PBX2: variants seen among roughly 807,000 people sequenced by gnomAD.
PBX2 encodes pre-B-cell leukemia transcription factor 2.
PBX2 carries 10 observed loss-of-function variants against 46.5 expected under a neutral mutation model. The observed-to-expected ratio is 0.21, with a 90% CI of 0.13 to 0.36. The LOEUF (loss-of-function observed/expected upper bound fraction) is 0.36. PBX2 is among the 10% of genes least tolerant of loss of function. PBX2 has a pLI of 1.00. For synonymous variants in PBX2, 160 were observed against 222.5 expected, an observed-to-expected ratio of 0.72 and a Z score of 2.50; for missense variants, 392 against 580.5, an observed-to-expected ratio of 0.68 and a Z score of 3.34.
Position 32,186,481 on chromosome 6 carries a change from G to C in PBX2, c.1201-7C>G. 1 of 1,613,068 alleles carries C rather than the reference G, an allele frequency of 6.2e-7. No homozygotes were observed. The highest frequency in any genetic ancestry group is 8.5e-7 in the Non-Finnish European group (1 of 1,179,320). Reference sequence around the variant, plus strand: ...CTTGCCAGCTGCCATTTGCCTGAAAGGAGAGACAGAGTACAGAAAACAGAG... The same window carrying C: ...CTTGCCAGCTGCCATTTGCCTGAAACGAGAGACAGAGTACAGAAAACAGAG... On this transcript the variant is annotated splice_polypyrimidine_tract_variant and splice_region_variant and intron_variant, in intron 8 of 8. Coordinates refer to ENST00000375050, the MANE Select transcript of PBX2 (RefSeq NM_002586.5). This position sits in a 1 kb window ranked among gnomAD's most constrained non-coding sequence, Gnocchi z 4.2.
In PBX2 at chr6:32,185,820, A is replaced by C. The variant is rs2127445990; in HGVS notation, c.*562T>G. Reference sequence around the variant, plus strand: ...CACCGAGCGATTCTATTGGTTTAAGATGAGCTGCGTATGAGGTAAGTAAGC... The same window carrying C: ...CACCGAGCGATTCTATTGGTTTAAGCTGAGCTGCGTATGAGGTAAGTAAGC... On this transcript the variant is annotated 3_prime_UTR_variant, in exon 9 of 9. Coordinates refer to ENST00000375050, the MANE Select transcript of PBX2 (RefSeq NM_002586.5). The C allele has an allele frequency of 6.6e-6, 1 of 152,460 alleles. No homozygotes were observed. The highest frequency in any genetic ancestry group is 1.5e-5 in the Non-Finnish European group (1 of 68,288). 9.4% of individuals were successfully genotyped at this position (152,460 alleles called of 1,614,324 possible).
At position 32,187,837 on chromosome 6, in the gene PBX2, TCA is replaced by T; in HGVS notation, c.735-57_735-56del. On this transcript the variant is annotated intron_variant, in intron 4 of 8. Coordinates refer to ENST00000375050, the MANE Select transcript of PBX2 (RefSeq NM_002586.5). The surrounding 1 kb of genome is among the most constrained non-coding windows in gnomAD (Gnocchi z 7.7). ...GGATGTTGATGTCCTGGCAGGGCTG[TCA>T]CATGGCATGACCCCAGAGTCACCAT... 6 of 1,597,826 alleles carry T rather than the reference TCA, an allele frequency of 3.8e-6. No homozygotes were observed. In the South Asian group the frequency reaches 6.8e-5, roughly 18 times the overall value.
In PBX2 at chr6:32,188,602, G is replaced by A; in HGVS notation, c.296-98C>T. ...TGGAGAGCCAAGTTCCCAGGCTTTG[G>A]TTCCTTCCCCAGTCCCCCTGACTCC... On this transcript the variant is annotated intron_variant, in intron 2 of 8. Coordinates refer to ENST00000375050, the MANE Select transcript of PBX2 (RefSeq NM_002586.5). The surrounding 1 kb of genome is among the most constrained non-coding windows in gnomAD (Gnocchi z 6.5). The A allele has an allele frequency of 6.3e-7, 1 of 1,577,150 alleles. No homozygotes were observed. Among genetic ancestry groups the A allele is most frequent in the Non-Finnish European group, 8.6e-7 (1 of 1,156,558 alleles).
chr6:32,186,581 G>A lies in PBX2; in HGVS notation c.1200+23C>T. 6.3e-7 allele frequency: 1 copy of A among 1,593,774 alleles called. No individual in the cohort carries two copies. ...CTCTGTCCTGTGAGAACTGGACAGA[G>A]AGGAGCTTCAGGATCCACTCACCCT... On this transcript the variant is annotated intron_variant, in intron 8 of 8. Transcript: ENST00000375050. The surrounding 1 kb of genome is among the most constrained non-coding windows in gnomAD (Gnocchi z 4.2).
Position 32,186,036 on chromosome 6 carries a change from T to G in PBX2, c.*346A>C. On this transcript the variant is annotated 3_prime_UTR_variant, in exon 9 of 9. Transcript: ENST00000375050. The surrounding 1 kb of genome is among the most constrained non-coding windows in gnomAD (Gnocchi z 4.2). ...GAAACAGAATAGTTGCAAGTGGGAG[T>G]ATGTGTGTGTGAGGTGTGGGAGAGG... The G allele has an allele frequency of 3.6e-6, 1 of 274,718 alleles. No homozygotes were observed. 17.0% of individuals were successfully genotyped at this position (274,718 alleles called of 1,614,324 possible). A position where few individuals can be genotyped will look rare whatever the true frequency, so the allele number is the denominator to read the frequency against.
chr6:32,187,987 C>T lies in PBX2; in HGVS notation c.713G>A (p.Arg238His). The T allele has an allele frequency of 2.6e-6, 4 of 1,565,996 alleles. No individual in the cohort carries two copies. Among genetic ancestry groups the T allele is most frequent in the Non-Finnish European group, 3.5e-6 (4 of 1,153,624 alleles). ...QSTCEAVMIL[R>H]SRFLDARRKR... ...CCACCTGGCATCCAGGAAACGGGAG[C>T]GCAGGATCATCACAGCCTCGCAGGT... The change falls in exon 4 of 9, where the codon CGC (arginine) becomes CAC (histidine). Residue 238 changes from arginine (R) to histidine (H), a missense_variant. By Grantham distance (29) the Arg-to-His change is conservative. Around this residue, in one of 3 missense-constraint regions of PBX2, gnomAD observed 80 missense variants for 175.7 expected, o/e 0.46. Transcript: ENST00000375050. This position sits in a 1 kb window ranked among gnomAD's most constrained non-coding sequence, Gnocchi z 7.7.
chr6:32,188,927 G>C lies in PBX2; in HGVS notation c.222-131C>G, dbSNP rs1787272745. ...AGCGGATTGGGGGTGGAATGAGTTG[G>C]GGGTGGAATGAGGAGTTCTTGGGAA... On this transcript the variant is annotated intron_variant, in intron 1 of 8. Transcript: ENST00000375050. The surrounding 1 kb of genome is among the most constrained non-coding windows in gnomAD (Gnocchi z 6.5). The C allele has an allele frequency of 1.3e-6, 1 of 744,890 alleles. No individual in the cohort carries two copies. Among genetic ancestry groups the C allele is most frequent in the African/African-American group, 1.7e-5 (1 of 57,886 alleles). 46.1% of individuals were successfully genotyped at this position (744,890 alleles called of 1,614,324 possible). A position where few individuals can be genotyped will look rare whatever the true frequency, so the allele number is the denominator to read the frequency against.
chr6:32,189,600 G>A lies in PBX2; in HGVS notation c.221+95C>T. The A allele has an allele frequency of 8.0e-6, 7 of 870,978 alleles. No homozygotes were observed. Among genetic ancestry groups the A allele is most frequent in the Middle Eastern group, 3.3e-4 (1 of 3,022 alleles). The allele number at this position is 870,978 out of a possible 1,614,324, so 54.0% of individuals were successfully genotyped here. A position where few individuals can be genotyped will look rare whatever the true frequency, so the allele number is the denominator to read the frequency against. ...GAGAAGAGAGCTGTTGGATCCTGGAGAGGGCCCTGGAGTTGGGGGGGGCTC... is the reference window on the plus strand; with the variant it reads ...GAGAAGAGAGCTGTTGGATCCTGGAAAGGGCCCTGGAGTTGGGGGGGGCTC... On this transcript the variant is annotated intron_variant, in intron 1 of 8. Coordinates refer to ENST00000375050, the MANE Select transcript of PBX2 (RefSeq NM_002586.5). The surrounding 1 kb of genome is among the most constrained non-coding windows in gnomAD (Gnocchi z 4.7).
Position 32,189,819 on chromosome 6 carries a change from C to G in PBX2, c.97G>C (p.Gly33Arg). The G allele has an allele frequency of 6.3e-7, 1 of 1,587,382 alleles. No homozygotes were observed. Among genetic ancestry groups the G allele is most frequent in the Non-Finnish European group, 8.6e-7 (1 of 1,166,464 alleles). ...CTACCCCCACCGGGGTCTCCGCCACCGGGAGGCTCGCCAGGGCCCCCAGGC... is the reference window on the plus strand; with the variant it reads ...CTACCCCCACCGGGGTCTCCGCCACGGGGAGGCTCGCCAGGGCCCCCAGGC... ...GEPGGPGEPP[G>R]GGDPGGGSGG... is the part of the protein sequence containing the mutation. The change falls in exon 1 of 9, where the codon GGT becomes CGT. Residue 33 changes from glycine (G) to arginine (R), a missense_variant. By Grantham distance (125) the Gly-to-Arg change is moderately radical (BLOSUM62 -2). Transcript: ENST00000375050. The surrounding 1 kb of genome is among the most constrained non-coding windows in gnomAD (Gnocchi z 4.7).
Position 32,186,670 on chromosome 6 carries a change from C to T in PBX2, c.1134G>A (p.Ser378=), listed in dbSNP as rs1382038187. The part of the protein sequence containing the change: ...SASQVESLRH[S]MGPGGYGDNL... ...TATCCCCATAGCCCCCTGGCCCCAT[C>T]GAGTGTCGGAGTGATTCCACCTGCA... is the stretch of plus-strand genomic sequence containing the variant. The change falls in exon 8 of 9, where the codon TCG becomes TCA. Residue 378 remains serine (S), a synonymous_variant. Transcript: ENST00000375050. The surrounding 1 kb of genome is among the most constrained non-coding windows in gnomAD (Gnocchi z 4.2). 7 of 1,613,112 alleles carry T rather than the reference C, an allele frequency of 4.3e-6. No homozygotes were observed. The highest frequency in any genetic ancestry group is 2.7e-5 in the African/African-American group (2 of 74,880).
At position 32,188,814 on chromosome 6, in the gene PBX2, T is replaced by C. The variant is rs1787266445; in HGVS notation, c.222-18A>G. The C allele has an allele frequency of 2.5e-6, 4 of 1,605,678 alleles. No individual in the cohort carries two copies. The highest frequency in any genetic ancestry group is 3.4e-6 in the Non-Finnish European group (4 of 1,176,710). On this transcript the variant is annotated intron_variant, in intron 1 of 8. Transcript: ENST00000375050. This position sits in a 1 kb window ranked among gnomAD's most constrained non-coding sequence, Gnocchi z 6.5. ...CGTGTTTCCTTGGGAGGAGTGGGAG[T>C]GGGGAAAGAGAAAAGTTGAGGAGCT...
chr6:32,189,918 C>CT lies in PBX2; in HGVS notation c.-4dup. The CT allele has an allele frequency of 5.4e-6, 7 of 1,290,244 alleles. No individual in the cohort carries two copies. The South Asian group carries it at 1.1e-4, about 21-fold the overall frequency. 79.9% of individuals were successfully genotyped at this position (1,290,244 alleles called of 1,614,324 possible). ...GGCCCCAGTAGCCGTTCGTCCATAGCTGGGGGGGGGCCCTGAGGCCCCCTC... is the reference window on the plus strand; with the variant it reads ...GGCCCCAGTAGCCGTTCGTCCATAGCTTGGGGGGGGGCCCTGAGGCCCCCTC... On this transcript the variant is annotated 5_prime_UTR_variant, in exon 1 of 9. Coordinates refer to ENST00000375050, the MANE Select transcript of PBX2 (RefSeq NM_002586.5). This position sits in a 1 kb window ranked among gnomAD's most constrained non-coding sequence, Gnocchi z 4.7.
chr6:32,188,499 T>G lies in PBX2; in HGVS notation c.301A>C (p.Ser101Arg). ...LCEIKEKTGL[S>R]IRSSQEEEPV... Reference sequence around the variant, plus strand: ...TCCTCCTCCTGGGAGCTCCGAATGCTGAGGCCTAGCATGCAGGCGAGTGGA... The same window carrying G: ...TCCTCCTCCTGGGAGCTCCGAATGCGGAGGCCTAGCATGCAGGCGAGTGGA... Residue 101 changes from serine (S) to arginine (R), a missense_variant, in exon 3 of 9, where the codon AGC becomes CGC. Around this residue, in one of 3 missense-constraint regions of PBX2, gnomAD observed 196 missense variants for 246.9 expected, o/e 0.79. Transcript: ENST00000375050. This position sits in a 1 kb window ranked among gnomAD's most constrained non-coding sequence, Gnocchi z 6.5. 1.9e-6 allele frequency: 3 copies of G among 1,613,840 alleles called. No individual in the cohort carries two copies. Among genetic ancestry groups the G allele is most frequent in the Non-Finnish European group, 1.7e-6 (2 of 1,179,968 alleles).
In PBX2 at chr6:32,186,752, T is replaced by A. The variant is rs989532278; in HGVS notation, c.1113+61A>T. 1 of 1,597,266 alleles carries A rather than the reference T, an allele frequency of 6.3e-7. No homozygotes were observed. The highest frequency in any genetic ancestry group is 1.3e-5 in the African/African-American group (1 of 74,494). On this transcript the variant is annotated intron_variant, in intron 7 of 8. Coordinates refer to ENST00000375050, the MANE Select transcript of PBX2 (RefSeq NM_002586.5). The surrounding 1 kb of genome is among the most constrained non-coding windows in gnomAD (Gnocchi z 4.2). Reference sequence around the variant, plus strand: ...AGCCTCAGAGGAAAGAGGTCTTGTATCCTAAAGTAGAGGAAATGGAGTTGG... The same window carrying A: ...AGCCTCAGAGGAAAGAGGTCTTGTAACCTAAAGTAGAGGAAATGGAGTTGG...
chr6:32,187,465 T>C lies in PBX2; in HGVS notation c.871-70A>G. ...AGTCCTTCACTGAATAAGATGTGAG[T>C]GACAGCATTTTTTTTTTTTTTGCTT... On this transcript the variant is annotated intron_variant, in intron 5 of 8. Coordinates refer to ENST00000375050, the MANE Select transcript of PBX2 (RefSeq NM_002586.5). This position sits in a 1 kb window ranked among gnomAD's most constrained non-coding sequence, Gnocchi z 7.7. 6.5e-7 allele frequency: 1 copy of C among 1,538,216 alleles called. No homozygotes were observed. Among genetic ancestry groups the C allele is most frequent in the Non-Finnish European group, 8.8e-7 (1 of 1,132,892 alleles).
In PBX2 at chr6:32,185,145, A is replaced by T. The variant is rs1405086439; in HGVS notation, c.*1237T>A. 6.6e-6 allele frequency: 1 copy of T among 152,472 alleles called. No individual in the cohort carries two copies. Among genetic ancestry groups the T allele is most frequent in the Non-Finnish European group, 1.5e-5 (1 of 68,030 alleles). The allele number at this position is 152,472 out of a possible 1,614,324, so 9.4% of individuals were successfully genotyped here. On this transcript the variant is annotated 3_prime_UTR_variant, in exon 9 of 9. Transcript: ENST00000375050. ...CCCATATTTAACATATTTGGCAATA[A>T]CTCCCTTCCCATTCTTCCCCCTCCA...
rs1210957724 is a variant in PBX2 at position 32,188,512 on chromosome 6, G to T, written c.296-8C>A. On this transcript the variant is annotated splice_polypyrimidine_tract_variant and splice_region_variant and intron_variant, in intron 2 of 8. Transcript: ENST00000375050. The surrounding 1 kb of genome is among the most constrained non-coding windows in gnomAD (Gnocchi z 6.5). ...AGCTCCGAATGCTGAGGCCTAGCAT[G>T]CAGGCGAGTGGACTTAGGGACCCAG... 4 of 1,612,940 alleles carry T rather than the reference G, an allele frequency of 2.5e-6. No homozygotes were observed. The South Asian group carries it at 4.4e-5, about 18-fold the overall frequency.
Position 32,187,324 on chromosome 6 carries a change from GT to G in PBX2, c.941del (p.Asn314ThrfsTer86), listed in dbSNP as rs1376890848. On this transcript the variant is annotated frameshift_variant, in exon 6 of 9. Transcript: ENST00000375050. LOFTEE classifies it high-confidence loss of function. This position sits in a 1 kb window ranked among gnomAD's most constrained non-coding sequence, Gnocchi z 7.7. ...KNIGKFQEEA[N>X]IYAVKTAVSV... ...ACACGGCGGTCTTGACAGCATAGAT[GT>G]TTGCCTCCTCTTGGAACTTTCCGAT... 1 of 1,612,956 alleles carries G rather than the reference GT, an allele frequency of 6.2e-7. No individual in the cohort carries two copies. The highest frequency in any genetic ancestry group is 8.5e-7 in the Non-Finnish European group (1 of 1,180,028).
Position 32,186,006 on chromosome 6 carries a change from GGA to G in PBX2, c.*374_*375del, listed in dbSNP as rs1452423818. On this transcript the variant is annotated 3_prime_UTR_variant, in exon 9 of 9. Transcript: ENST00000375050. The surrounding 1 kb of genome is among the most constrained non-coding windows in gnomAD (Gnocchi z 4.2). Reference sequence around the variant, plus strand: ...GGGGAAGGGAAAGTGGGGGAGCCCAGGAGAGAAACAGAATAGTTGCAAGTGGG... The same window carrying G: ...GGGGAAGGGAAAGTGGGGGAGCCCAGGAGAAACAGAATAGTTGCAAGTGGG... 7 of 220,644 alleles carry G rather than the reference GGA, an allele frequency of 3.2e-5. No homozygotes were observed. Among genetic ancestry groups the G allele is most frequent in the African/African-American group, 1.6e-4 (7 of 43,358 alleles). The allele number at this position is 220,644 out of a possible 1,614,324, so 13.7% of individuals were successfully genotyped here. A position where few individuals can be genotyped will look rare whatever the true frequency, so the allele number is the denominator to read the frequency against.
Sources: allele counts gnomAD v4.1 joint callset, GRCh38; gene constraint gnomAD v4.1.1; regional missense constraint gnomAD v4.1.1; non-coding constraint Gnocchi (gnomAD v3.1); transcripts MANE v1.5; gene names NCBI Gene and HGNC (gene_info 2026-07-23, HGNC 2026-07-21).